Variants in TYR observed in about 807,000 individuals in gnomAD.
The protein encoded by TYR is LB24-AB.
A neutral mutation model predicts 51.5 loss-of-function variants in TYR; 58 were observed. The ratio of observed to expected loss-of-function variants is 1.13; its 90% CI spans 0.91 to 1.40. The LOEUF is 1.40. TYR is among the 40% of genes most tolerant of loss of function. TYR has a pLI of 0.00. For missense variants in TYR, 732 were observed against 647.4 expected, an observed-to-expected ratio of 1.13 and a Z score of -1.42; for synonymous variants, 263 against 235.2, an observed-to-expected ratio of 1.12 and a Z score of -1.08.
chr11:89,205,416 A>G (rs1318014382), intron 2 of TYR, among the ~76,000 whole-genome samples: 19 of 152,160 alleles, frequency 1.2e-4, no homozygotes. Context: ...GTTAAACCCA[A>G]TTTAATAAAT....
intron 3 of TYR, among the ~76,000 whole-genome samples, chr11:89,267,943 C>T (rs1451525600): frequency 1.3e-5 from 2 of 151,722 alleles, no homozygotes; most frequent in South Asian, 2.1e-4. Flanking sequence ...TTGCCTAAAC[C>T]CTCACTTTTT....
chr11:89,280,488 C>A (rs938901743), intron 3 of TYR, among the ~76,000 whole-genome samples: 1 of 151,264 alleles, frequency 6.6e-6, no homozygotes. Context: ...TCAATTTTTT[C>A]TTAGGGTTTC....
intron 3 of TYR, among the ~76,000 whole-genome samples, chr11:89,249,283 A>C (rs955924609): frequency 6.6e-6 from 1 of 152,030 alleles, no homozygotes; most frequent in African/African-American, 2.4e-5. Context: ...CATTATTTAA[A>C]ATCAATGGAG....
At chr11:89,259,908 T>G (rs1944436873) in intron 3 of TYR, among the ~76,000 whole-genome samples, 1 of 152,090 alleles carries the variant, frequency 6.6e-6, no homozygotes, top group Non-Finnish European at 1.5e-5. Context: ...TTCTTTTTAG[T>G]TAGGAGTTGA....
intron 3 of TYR, among the ~76,000 whole-genome samples, chr11:89,279,806 C>T (rs909819046): frequency 6.6e-6 from 1 of 151,620 alleles, no homozygotes; most frequent in Non-Finnish European, 1.5e-5. Flanking sequence ...AATGATTTCA[C>T]CATGTTTTTA....
At chr11:89,223,023 G>C (rs897676659) in intron 2 of TYR, among the ~76,000 whole-genome samples, 3 of 152,104 alleles carry the variant, frequency 2.0e-5, no homozygotes, top group African/African-American at 7.2e-5. Flanking sequence ...TTCATTGCAG[G>C]GGTATAGTGC....
intron 2 of TYR, among the ~76,000 whole-genome samples, chr11:89,210,172 G>A (rs184959526): frequency 7.2e-5 from 11 of 152,238 alleles, no homozygotes; most frequent in Admixed American, 2.0e-4. Flanking sequence ...AAACATCTCC[G>A]AGCTAAAAGG....
chr11:89,184,377 C>G (rs1943340877), intron 1 of TYR, among the ~76,000 whole-genome samples: 1 of 152,104 alleles, frequency 6.6e-6, no homozygotes, highest in South Asian at 2.1e-4. Context: ...CTTGTAGCGT[C>G]CAGTTAACCC....
chr11:89,284,832 A>G lies in TYR; in HGVS notation c.1244A>G (p.Asn415Ser), dbSNP rs1292583222. 2 of 1,612,068 alleles carry G rather than the reference A, an allele frequency of 1.2e-6. No homozygotes were observed. The highest frequency in any genetic ancestry group is 2.2e-5 in the East Asian group (1 of 44,806). ...CTTCAAGAAGTTTATCCAGAAGCCAATGCACCCATTGGACATAACCGGGAA... is the reference window on the plus strand; with the variant it reads ...CTTCAAGAAGTTTATCCAGAAGCCAGTGCACCCATTGGACATAACCGGGAA... ...RPLQEVYPEA[N>S]APIGHNRESY... The change falls in exon 4 of 5, where the codon AAT (asparagine) becomes AGT (serine). Residue 415 changes from asparagine (N) to serine (S), a missense_variant. Coordinates refer to ENST00000263321, the MANE Select transcript of TYR (RefSeq NM_000372.5).
intron 2 of TYR, among the ~76,000 whole-genome samples, chr11:89,227,416 C>T (rs1468513071): frequency 6.6e-6 from 1 of 152,128 alleles, no homozygotes; most frequent in Non-Finnish European, 1.5e-5. Flanking sequence ...TTCTCCAGAA[C>T]TGGAAAGCAA....
chr11:89,194,650 T>TTCTTTCTA (rs1943491573), intron 2 of TYR, among the ~76,000 whole-genome samples: 3 of 150,610 alleles, frequency 2.0e-5, no homozygotes, highest in South Asian at 4.2e-4. Flanking sequence ...CCTCCATTTT[T>TTCTTTCTA]TCTATCTATC....
intron 3 of TYR, among the ~76,000 whole-genome samples, chr11:89,257,717 T>A (rs967148211): frequency 2.0e-5 from 3 of 152,096 alleles, no homozygotes; most frequent in African/African-American, 7.2e-5. Flanking sequence ...GTATTTTTTT[T>A]ACTACCCATT....
intron 3 of TYR, among the ~76,000 whole-genome samples, chr11:89,256,786 T>TTAG (rs1053975307): frequency 1.3e-5 from 2 of 151,734 alleles, no homozygotes; most frequent in Non-Finnish European, 2.9e-5. Context: ...CACTGTTTAT[T>TTAG]TAGTAGTGAT....
In TYR at chr11:89,263,922, G is replaced by A. The variant is rs568161221; in HGVS notation, c.1185-20851G>A. Among the ~76,000 whole-genome samples the A allele has an allele frequency of 1.3e-4, 20 of 152,158 alleles. No homozygotes were observed. In the South Asian group the frequency reaches 1.7e-3, roughly 13 times the overall value. The stretch of plus-strand genomic sequence containing the variant: ...TCATTAACATGACAATACTTTCTAA[G>A]TTAGTCTATAAATTCAACACAATCT... On this transcript the variant is annotated intron_variant, in intron 3 of 4. Coordinates refer to ENST00000263321, the MANE Select transcript of TYR (RefSeq NM_000372.5).
chr11:89,267,438 A>AT (rs1944538946), intron 3 of TYR, among the ~76,000 whole-genome samples: 1 of 151,960 alleles, frequency 6.6e-6, no homozygotes, highest in Admixed American at 6.6e-5. Flanking sequence ...TTCCCTGAAA[A>AT]TTCCTTAAGG....
chr11:89,270,326 C>T (rs1019007801), intron 3 of TYR, among the ~76,000 whole-genome samples: 2 of 151,850 alleles, frequency 1.3e-5, no homozygotes, highest in African/African-American at 4.8e-5. Context: ...ACCAAAGGGG[C>T]ACCTTGACCG....
chr11:89,266,697 T>G (rs1159014163), intron 3 of TYR, among the ~76,000 whole-genome samples: 2 of 152,028 alleles, frequency 1.3e-5, no homozygotes, highest in Non-Finnish European at 2.9e-5. Flanking sequence ...TTTTGCTATT[T>G]TGTTCTTGCT....
At chr11:89,262,857 AAAAAAAAAAAAAAAACAAC>A (rs936848891) in intron 3 of TYR, among the ~76,000 whole-genome samples, 1 of 144,778 alleles carries the variant, frequency 6.9e-6, no homozygotes, top group African/African-American at 2.6e-5. Flanking sequence ...CAAAAAAAAA[AAAAAAAAAAAAAAAACAAC>A]AACAACAACA....
At chr11:89,192,410 C>T (rs964726065) in intron 2 of TYR, among the ~76,000 whole-genome samples, 4 of 152,108 alleles carry the variant, frequency 2.6e-5, no homozygotes, top group African/African-American at 9.7e-5. Flanking sequence ...AAATTTAACA[C>T]TAGACATCGC....
Sources: gnomAD v4.1 joint callset for allele counts (sites outside exome capture counted in the v4.1 genomes callset) on GRCh38, gnomAD v4.1.1 for gene constraint, MANE v1.5 for transcripts, NCBI Gene and HGNC (gene_info 2026-07-23, HGNC 2026-07-21) for gene names.